ZFHX4: variants seen among roughly 807,000 people sequenced by gnomAD.
ZFHX4 encodes zinc finger homeobox 4.
A neutral mutation model predicts 267.6 loss-of-function variants in ZFHX4; 56 were observed. That is an observed-to-expected ratio of 0.21 (90% CI 0.17 to 0.26). The LOEUF (loss-of-function observed/expected upper bound fraction) is 0.26, where lower values mean the gene tolerates loss of function less well. ZFHX4 is among the 10% of genes least tolerant of loss of function. The pLI is 1.00. For synonymous variants in ZFHX4, 1,778 were observed against 1,665.6 expected (o/e 1.07, Z -1.64); for missense variants, 4,332 against 4,420.0 (o/e 0.98, Z 0.56).
At position 76,706,519 on chromosome 8, in the gene ZFHX4, T is replaced by C. The variant is rs1300651261; in HGVS notation, c.2431T>C (p.Leu811=). 6.2e-7 allele frequency: 1 copy of C among 1,613,612 alleles called. No homozygotes were observed. Among genetic ancestry groups the C allele is most frequent in the African/African-American group, 1.3e-5 (1 of 74,944 alleles). Residue 811 remains leucine (L), a synonymous_variant, in exon 2 of 11, where the codon TTG becomes CTG. Transcript: ENST00000651372. ...NMKQIQHNLH[L]GLAPAEAELY... Reference sequence around the variant, plus strand: ...GAAGCAGATCCAGCATAATCTGCACTTGGGCCTCGCCCCGGCGGAAGCAGA... The same window carrying C: ...GAAGCAGATCCAGCATAATCTGCACCTGGGCCTCGCCCCGGCGGAAGCAGA...
At position 76,865,823 on chromosome 8, in the gene ZFHX4, A is replaced by G. The variant is rs1586029255; in HGVS notation, c.*1258A>G. 1 of 152,602 alleles carries G rather than the reference A, an allele frequency of 6.6e-6. No homozygotes were observed. Among genetic ancestry groups the G allele is most frequent in the African/African-American group, 2.4e-5 (1 of 41,464 alleles). 9.5% of individuals were successfully genotyped at this position (152,602 alleles called of 1,614,324 possible). On this transcript the variant is annotated 3_prime_UTR_variant, in exon 11 of 11. Coordinates refer to ENST00000651372, the MANE Select transcript of ZFHX4 (RefSeq NM_024721.5). Reference sequence around the variant, plus strand: ...TTAGTGGATAGGTTATTGTACTTCCATTCATACTCTGGGCACTTGTGTTGT... The same window carrying G: ...TTAGTGGATAGGTTATTGTACTTCCGTTCATACTCTGGGCACTTGTGTTGT...
chr8:76,863,155 CCT>C lies in ZFHX4; in HGVS notation c.9442_9443del (p.Leu3148ValfsTer42), dbSNP rs1288193689. 6.4e-7 allele frequency: 1 copy of C among 1,550,444 alleles called. No individual in the cohort carries two copies. The highest frequency in any genetic ancestry group is 8.7e-7 in the Non-Finnish European group (1 of 1,146,760). ...FPTSATSSPALSLSSAPTKPL... is the reference protein window; with the variant it reads ...FPTSATSSPAXSLSSAPTKPL... ...CTACTTCAGCTACTTCGTCTCCTGC[CCT>C]GTCTCTCAGCAGTGCCCCCACCAAA... On this transcript the variant is annotated frameshift_variant, in exon 11 of 11. Coordinates refer to ENST00000651372, the MANE Select transcript of ZFHX4 (RefSeq NM_024721.5). LOFTEE classifies it high-confidence loss of function.
intron 3 of ZFHX4, among the ~76,000 whole-genome samples, chr8:76,751,411 T>C (rs1809610754): frequency 6.6e-6 from 1 of 152,140 alleles, no homozygotes; most frequent in African/African-American, 2.4e-5. Context: ...CCCTCAGGTT[T>C]CCACAATAGA....
chr8:76,725,208 C>G (rs1808820957), intron 3 of ZFHX4, among the ~76,000 whole-genome samples: 1 of 151,982 alleles, frequency 6.6e-6, no homozygotes, highest in African/African-American at 2.4e-5. Context: ...TAAAAACAAG[C>G]AAATAAATAT....
chr8:76,861,578 T>C (rs1812868334), intron 10 of ZFHX4, among the ~76,000 whole-genome samples: 1 of 151,852 alleles, frequency 6.6e-6, no homozygotes, highest in African/African-American at 2.4e-5. Context: ...CCTAAGTTAA[T>C]TGAGGGTAAT....
At chr8:76,686,065 G>A (rs1807685092) in intron 1 of ZFHX4, among the ~76,000 whole-genome samples, 1 of 152,168 alleles carries the variant, frequency 6.6e-6, no homozygotes, top group East Asian at 1.9e-4. Context: ...CATAATCTTG[G>A]GAAGGCCTAC....
At chr8:76,683,505 G>A (rs1441865578) in intron 1 of ZFHX4, among the ~76,000 whole-genome samples, 1 of 151,326 alleles carries the variant, frequency 6.6e-6, no homozygotes, top group African/African-American at 2.4e-5. Context: ...AGGAAATCTG[G>A]CCGTCCTGAT....
chr8:76,856,252 G>A lies in ZFHX4; in HGVS notation c.9331G>A (p.Gly3111Arg), dbSNP rs775472372. Residue 3111 changes from glycine (G) to arginine (R), a missense_variant, in exon 10 of 11, where the codon GGA (glycine) becomes AGA (arginine). Physicochemically the swap from Gly to Arg is moderately radical, Grantham distance 125 (BLOSUM62 -2). Transcript: ENST00000651372. ...LPGLPPVLLP[G>R]MNGPSSLPGF... ...CGGCCTTCCTCCAGTCCTTCTCCCCGGAATGAACGGTCCATCCTCCTTGCC... is the reference window on the plus strand; with the variant it reads ...CGGCCTTCCTCCAGTCCTTCTCCCCAGAATGAACGGTCCATCCTCCTTGCC... 13 of 1,613,832 alleles carry A rather than the reference G, an allele frequency of 8.1e-6. No individual in the cohort carries two copies. Among genetic ancestry groups the A allele is most frequent in the Admixed American group, 5.0e-5 (3 of 60,010 alleles).
chr8:76,690,037 A>T (rs900384384), intron 1 of ZFHX4, among the ~76,000 whole-genome samples: 8 of 152,074 alleles, frequency 5.3e-5, no homozygotes, highest in African/African-American at 1.9e-4. Context: ...TTCACACACC[A>T]GCATCATCAT....
chr8:76,726,007 G>T (rs564454016), intron 3 of ZFHX4, among the ~76,000 whole-genome samples: 1 of 152,142 alleles, frequency 6.6e-6, no homozygotes, highest in Non-Finnish European at 1.5e-5. Flanking sequence ...GGGGCAGTTT[G>T]TTGTAACATA....
intron 10 of ZFHX4, among the ~76,000 whole-genome samples, chr8:76,861,390 T>C (rs1048957139): frequency 6.6e-6 from 1 of 152,172 alleles, no homozygotes; most frequent in African/African-American, 2.4e-5. Context: ...TTTCCTTATT[T>C]AAAAATGGAA....
chr8:76,773,341 G>A (rs1357672476), intron 3 of ZFHX4, among the ~76,000 whole-genome samples: 1 of 152,054 alleles, frequency 6.6e-6, no homozygotes, highest in African/African-American at 2.4e-5. Context: ...GTTATTGGAG[G>A]ATTTAAAATG....
At chr8:76,733,265 C>T (rs1809069992) in intron 3 of ZFHX4, 1 of 152,118 alleles carries the variant, frequency 6.6e-6, no homozygotes, top group Non-Finnish European at 1.5e-5. Context: ...TTTTGCCAAT[C>T]GTTTTTTTGG....
chr8:76,727,658 C>T (rs1563487392), intron 3 of ZFHX4, among the ~76,000 whole-genome samples: 1 of 152,124 alleles, frequency 6.6e-6, no homozygotes, highest in Non-Finnish European at 1.5e-5. Flanking sequence ...TAAAACATAT[C>T]AAATAAATTC....
chr8:76,835,255 A>ATATGTATATATATG (rs1812061700), intron 5 of ZFHX4, among the ~76,000 whole-genome samples: 1 of 142,652 alleles, frequency 7.0e-6, no homozygotes, highest in African/African-American at 2.6e-5. Flanking sequence ...ATATATATAT[A>ATATGTATATATATG]TATATTCATA....
At position 76,853,062 on chromosome 8, in the gene ZFHX4, A is replaced by ACCT. The variant is rs750748601; in HGVS notation, c.6162_6164dup (p.Pro2061dup). 2.3e-4 allele frequency: 101 copies of ACCT among 438,750 alleles called. No individual in the cohort carries two copies. Among genetic ancestry groups the ACCT allele is most frequent in the Middle Eastern group, 1.9e-3 (4 of 2,100 alleles). 27.2% of individuals were successfully genotyped at this position (438,750 alleles called of 1,614,324 possible). On this transcript the variant is annotated inframe_insertion, in exon 10 of 11. Transcript: ENST00000651372. ...CACCCACTCCTCCCCCACCACCACC[A>ACCT]CCTCCTCCTCCTCCTCCTCCTCCCC...
At chr8:76,747,080 G>T (rs897350296) in intron 3 of ZFHX4, among the ~76,000 whole-genome samples, 3 of 152,062 alleles carry the variant, frequency 2.0e-5, no homozygotes, top group African/African-American at 4.8e-5. Context: ...TTTCTCTAGT[G>T]ATTCACTGTA....
intron 3 of ZFHX4, among the ~76,000 whole-genome samples, chr8:76,758,089 G>T (rs979240084): frequency 2.6e-5 from 4 of 152,118 alleles, no homozygotes; most frequent in African/African-American, 9.7e-5. Flanking sequence ...AAGTCCTGAG[G>T]ATACCAAGGA....
rs776237393 is a variant in ZFHX4, at chr8:76,864,059, T to G, written c.10345T>G (p.Cys3449Gly). ...VLRVPVSKYQCLACDVAISGN... is the reference protein window; with the variant it reads ...VLRVPVSKYQGLACDVAISGN... ...TCGTGTCCCAGTCAGCAAATATCAGTGTCTTGCCTGTGATGTGGCTATCAG... is the reference window on the plus strand; with the variant it reads ...TCGTGTCCCAGTCAGCAAATATCAGGGTCTTGCCTGTGATGTGGCTATCAG... The change falls in exon 11 of 11, where the codon TGT becomes GGT. Residue 3449 changes from cysteine to glycine, a missense_variant. Physicochemically the swap from Cys to Gly is radical, Grantham distance 159. This residue lies in a region of ZFHX4 where 1,648 missense variants were observed against 1,625.0 expected (regional missense o/e 1.01). Coordinates refer to ENST00000651372, the MANE Select transcript of ZFHX4 (RefSeq NM_024721.5). The G allele has an allele frequency of 6.2e-7, 1 of 1,613,864 alleles. No homozygotes were observed. Among genetic ancestry groups the G allele is most frequent in the Admixed American group, 1.7e-5 (1 of 59,996 alleles).
Sources: gnomAD v4.1 joint callset for allele counts (sites outside exome capture counted in the v4.1 genomes callset) on GRCh38, gnomAD v4.1.1 for gene constraint, gnomAD v4.1.1 regional missense constraint, MANE v1.5 for transcripts, NCBI Gene and HGNC (gene_info 2026-07-23, HGNC 2026-07-21) for gene names.